KIAA1328: variants seen among roughly 807,000 people sequenced by gnomAD.
The protein encoded by KIAA1328 is KIAA1328, also known as protein hinderin.
A neutral mutation model predicts 68.1 loss-of-function variants in KIAA1328; 52 were observed. The ratio of observed to expected loss-of-function variants is 0.76; its 90% CI spans 0.61 to 0.96. The LOEUF (loss-of-function observed/expected upper bound fraction) is 0.96. Ranked by LOEUF, KIAA1328 falls within the 40% of genes least tolerant of loss-of-function variation. KIAA1328 has a pLI of 0.00. For synonymous variants in KIAA1328, 232 were observed against 239.4 expected (o/e 0.97, Z 0.28); for missense variants, 641 against 677.6 (o/e 0.95, Z 0.60).
intron 6 of KIAA1328, among the ~76,000 whole-genome samples, chr18:37,013,257 G>A (rs1049805013): frequency 6.6e-6 from 1 of 152,076 alleles, no homozygotes; most frequent in African/African-American, 2.4e-5. Flanking sequence ...AATATTTAGT[G>A]CCACAATTTA....
intron 9 of KIAA1328, among the ~76,000 whole-genome samples, chr18:37,188,585 A>G (rs1280370022): frequency 6.6e-6 from 1 of 152,232 alleles, no homozygotes; most frequent in African/African-American, 2.4e-5. Context: ...CTCCTCAGCC[A>G]GGATTACAGT....
intron 4 of KIAA1328, among the ~76,000 whole-genome samples, chr18:36,855,359 A>G (rs903409917): frequency 6.6e-6 from 1 of 152,188 alleles, no homozygotes; most frequent in Non-Finnish European, 1.5e-5. Flanking sequence ...TTAGATTTAA[A>G]TGATATCTTA....
At chr18:37,148,992 G>T (rs897271417) in intron 7 of KIAA1328, among the ~76,000 whole-genome samples, 1 of 152,156 alleles carries the variant, frequency 6.6e-6, no homozygotes, top group African/African-American at 2.4e-5. Flanking sequence ...TGTGAAAATG[G>T]TCATACTACC....
At chr18:37,135,503 A>G (rs1382601820) in intron 7 of KIAA1328, among the ~76,000 whole-genome samples, 2 of 151,842 alleles carry the variant, frequency 1.3e-5, no homozygotes, top group Non-Finnish European at 2.9e-5. Context: ...TCTTCTTTTC[A>G]GTTCCTGTCT....
intron 7 of KIAA1328, among the ~76,000 whole-genome samples, chr18:37,104,620 T>C (rs576959106): frequency 6.6e-6 from 1 of 152,190 alleles, no homozygotes; most frequent in Non-Finnish European, 1.5e-5. Flanking sequence ...CAATAATTTA[T>C]ATTTCAAAAT....
At chr18:37,187,205 C>G (rs1282454321) in intron 9 of KIAA1328, among the ~76,000 whole-genome samples, 2 of 151,886 alleles carry the variant, frequency 1.3e-5, no homozygotes, top group Non-Finnish European at 2.9e-5. Flanking sequence ...TGGAACCCAC[C>G]CCCAAATCCT....
At chr18:37,139,689 C>T (rs1350071469) in intron 7 of KIAA1328, among the ~76,000 whole-genome samples, 3 of 152,072 alleles carry the variant, frequency 2.0e-5, no homozygotes, top group Admixed American at 1.3e-4. Context: ...TTAATTTTAA[C>T]GTGAATTTAG....
At chr18:37,227,083 G>C (rs1411880101), downstream of KIAA1328, among the ~76,000 whole-genome samples, 1 of 152,108 alleles carries the variant, frequency 6.6e-6, no homozygotes, top group Non-Finnish European at 1.5e-5. Context: ...AAAACTTTTT[G>C]TATGGACACT....
intron 9 of KIAA1328, among the ~76,000 whole-genome samples, chr18:37,178,830 G>A (rs2059644562): frequency 6.6e-6 from 1 of 152,060 alleles, no homozygotes; most frequent in Non-Finnish European, 1.5e-5. Flanking sequence ...GATGATTATT[G>A]ATTTTGAGAA....
intron 7 of KIAA1328, among the ~76,000 whole-genome samples, chr18:37,071,162 T>A (rs971995808): frequency 6.4e-4 from 89 of 138,530 alleles, no homozygotes; most frequent in African/African-American, 2.1e-3. Context: ...AGCCTTGACC[T>A]CCTGGGCTCA....
intron 8 of KIAA1328, among the ~76,000 whole-genome samples, chr18:37,162,446 T>C (rs2059301655): frequency 1.3e-5 from 2 of 152,154 alleles, no homozygotes; most frequent in South Asian, 4.1e-4. Flanking sequence ...ATATGACCAT[T>C]AAAGAGGCTA....
intron 5 of KIAA1328, among the ~76,000 whole-genome samples, chr18:36,901,312 A>T (rs2049030275): frequency 6.6e-6 from 1 of 152,040 alleles, no homozygotes; most frequent in African/African-American, 2.4e-5. Context: ...ATTATGAGTC[A>T]CTTGGTGGGG....
chr18:36,962,418 A>T (rs1286393666), intron 6 of KIAA1328, among the ~76,000 whole-genome samples: 1 of 152,248 alleles, frequency 6.6e-6, no homozygotes, highest in Non-Finnish European at 1.5e-5. Context: ...TCAATGGGAC[A>T]GAAAGTTAAC....
At chr18:36,840,869 G>A (rs563815938) in intron 3 of KIAA1328, among the ~76,000 whole-genome samples, 5 of 152,258 alleles carry the variant, frequency 3.3e-5, no homozygotes, top group African/African-American at 7.2e-5. Flanking sequence ...AGCAGACCGC[G>A]AGATGGAATT....
chr18:36,878,078 G>A (rs535410260), intron 4 of KIAA1328, among the ~76,000 whole-genome samples: 2 of 152,112 alleles, frequency 1.3e-5, no homozygotes, highest in South Asian at 4.1e-4. Context: ...TTGCCTATTC[G>A]TTGATGCAGT....
In KIAA1328 at chr18:37,024,122, A is replaced by T. The variant is rs186203732; in HGVS notation, c.577-42768A>T. Among the ~76,000 whole-genome samples the T allele has an allele frequency of 3.3e-5, 5 of 152,160 alleles. No individual in the cohort carries two copies. The South Asian group carries it at 6.2e-4, about 19-fold the overall frequency. On this transcript the variant is annotated intron_variant, in intron 6 of 9. Transcript: ENST00000280020. The stretch of plus-strand genomic sequence containing the variant: ...GCACTCCTCCTGCCTCAGCCTCCAC[A>T]GTAGCTGGGACAGACACATTCCACC...
intron 4 of KIAA1328, among the ~76,000 whole-genome samples, chr18:36,875,169 C>A (rs1000225787): frequency 6.6e-6 from 1 of 152,050 alleles, no homozygotes; most frequent in African/African-American, 2.4e-5. Flanking sequence ...TTTTTGGTTT[C>A]ATATGAAATT....
At chr18:37,139,898 G>A (rs1473126186) in intron 7 of KIAA1328, among the ~76,000 whole-genome samples, 2 of 152,138 alleles carry the variant, frequency 1.3e-5, no homozygotes, top group Admixed American at 6.5e-5. Context: ...TTATTCGGAG[G>A]ATCAGAGCTC....
At chr18:37,046,485 C>A (rs1350089250) in intron 6 of KIAA1328, among the ~76,000 whole-genome samples, 1 of 152,086 alleles carries the variant, frequency 6.6e-6, no homozygotes, top group African/African-American at 2.4e-5. Context: ...CCTCTTGGCT[C>A]CTCCACTAGC....
Sources: gnomAD v4.1 joint callset for allele counts (sites outside exome capture counted in the v4.1 genomes callset) on GRCh38, gnomAD v4.1.1 for gene constraint, MANE v1.5 for transcripts, NCBI Gene and HGNC (gene_info 2026-07-23, HGNC 2026-07-21) for gene names.